The following ATR variants were observed in gnomAD, a reference collection of about 807,000 sequenced individuals.
ATR encodes ATR checkpoint kinase.
A neutral mutation model predicts 305.3 loss-of-function variants in ATR; 142 were observed. That is an observed-to-expected ratio of 0.47 (90% CI 0.41 to 0.53). The LOEUF (loss-of-function observed/expected upper bound fraction) is 0.53. Ranked by LOEUF, ATR falls within the 20% of genes least tolerant of loss-of-function variation. The pLI, the probability that ATR is intolerant of heterozygous loss-of-function variation, is 0.00. For synonymous variants in ATR, 1,050 were observed against 1,068.1 expected (o/e 0.98, Z 0.33); for missense variants, 2,135 against 3,133.1 (o/e 0.68, Z 7.60).
chr3:142,498,241 A>G (rs1020436177), intron 32 of ATR, among the ~76,000 whole-genome samples: 4 of 152,202 alleles, frequency 2.6e-5, no homozygotes, highest in Middle Eastern at 3.2e-3. Context: ...AATATCAAAC[A>G]CATTTCTAAA....
At chr3:142,555,651 T>C (rs1421165015) in intron 10 of ATR, among the ~76,000 whole-genome samples, 1 of 152,194 alleles carries the variant, frequency 6.6e-6, no homozygotes, top group Non-Finnish European at 1.5e-5. Flanking sequence ...ATTTAGGCTG[T>C]CAAATCACAA....
Position 142,479,274 on chromosome 3 carries a change from A to G in ATR, c.6221+5866T>C, listed in dbSNP as rs929058827. ...TGCTTCCTTCAGGAGCTCTTTTAGGACAGGCCTGGTGGTGACAAAATCTCT... is the reference window on the plus strand; with the variant it reads ...TGCTTCCTTCAGGAGCTCTTTTAGGGCAGGCCTGGTGGTGACAAAATCTCT... On this transcript the variant is annotated intron_variant, in intron 36 of 46. Transcript: ENST00000350721. Among the ~76,000 whole-genome samples, 230 of 152,018 alleles carry G rather than the reference A, an allele frequency of 1.5e-3. 2 individuals are homozygous for G. Among genetic ancestry groups the G allele is most frequent in the African/African-American group, 5.4e-3 (222 of 41,436 alleles).
At chr3:142,522,899 T>C in intron 22 of ATR, 58 bp from the exon 23 acceptor site, 2 of 1,287,828 alleles carry the variant, frequency 1.6e-6, no homozygotes, top group Non-Finnish European at 2.3e-6. Context: ...TTTTCTTAGG[T>C]GTACTGCTTT....
Position 142,487,435 on chromosome 3 carries a change from C to T in ATR, c.6079-2153G>A, listed in dbSNP as rs137915718. ...TATAGGCATGAGCCACCATGCCCAGCCCTACGTGTATTATATTTTTTATCT... is the reference window on the plus strand; with the variant it reads ...TATAGGCATGAGCCACCATGCCCAGTCCTACGTGTATTATATTTTTTATCT... On this transcript the variant is annotated intron_variant, in intron 35 of 46. Transcript: ENST00000350721. Among the ~76,000 whole-genome samples the T allele has an allele frequency of 4.1e-3, 625 of 152,290 alleles. 12 individuals carry two copies. Among genetic ancestry groups the T allele is most frequent in the African/African-American group, 0.015 (606 of 41,554 alleles).
chr3:142,484,873 T>C (rs2030808854), intron 36 of ATR, among the ~76,000 whole-genome samples: 1 of 152,184 alleles, frequency 6.6e-6, no homozygotes, highest in Non-Finnish European at 1.5e-5. Context: ...GTGTTGATGA[T>C]TGCTGTGTTG....
At chr3:142,492,223 C>G (rs1029991031) in intron 35 of ATR, among the ~76,000 whole-genome samples, 1 of 152,024 alleles carries the variant, frequency 6.6e-6, no homozygotes, top group Non-Finnish European at 1.5e-5. Flanking sequence ...AAGGTCTTTA[C>G]TGAATGCTCC....
intron 23 of ATR, 49 bp downstream of exon 23, chr3:142,522,679 T>C (rs2033197936): frequency 5.6e-6 from 8 of 1,427,786 alleles, no homozygotes; most frequent in Non-Finnish European, 7.9e-6. Flanking sequence ...ACAACGTTCT[T>C]ATTTGAATTA....
At chr3:142,486,194 A>C (rs959261037) in intron 35 of ATR, among the ~76,000 whole-genome samples, 51 of 152,156 alleles carry the variant, frequency 3.4e-4, no homozygotes, top group African/African-American at 1.2e-3. Flanking sequence ...TTGAAGTTCC[A>C]CTTTTCATCT....
intron 35 of ATR, among the ~76,000 whole-genome samples, chr3:142,485,790 G>A (rs766138993): frequency 4.6e-5 from 7 of 152,088 alleles, no homozygotes; most frequent in Admixed American, 6.5e-5. Context: ...ACAAGTTATT[G>A]CCCTTTCTCT....
chr3:142,508,709 GTTAGGAGA>G (rs1301794809), intron 27 of ATR, among the ~76,000 whole-genome samples: 2 of 152,068 alleles, frequency 1.3e-5, no homozygotes, highest in Non-Finnish European at 2.9e-5. Flanking sequence ...GGATCACAAG[GTTAGGAGA>G]TCGAGACCAT....
intron 25 of ATR, among the ~76,000 whole-genome samples, chr3:142,513,854 A>G (rs2032717272): frequency 6.6e-6 from 1 of 152,134 alleles, no homozygotes. Context: ...TAAAATTTTA[A>G]AGAGATTTTT....
chr3:142,558,918 G>T, intron 7 of ATR, 142 bp from the exon 8 acceptor site: 1 of 845,054 alleles, frequency 1.2e-6, no homozygotes, highest in Non-Finnish European at 1.8e-6. Flanking sequence ...ATAAACGATG[G>T]TCTGAGGTCT....
intron 21 of ATR, among the ~76,000 whole-genome samples, chr3:142,533,032 C>T (rs977235318): frequency 6.6e-6 from 1 of 152,036 alleles, no homozygotes; most frequent in Non-Finnish European, 1.5e-5. Flanking sequence ...GGTAGAGTGG[C>T]TCACACCTGT....
intron 24 of ATR, among the ~76,000 whole-genome samples, chr3:142,516,957 C>T (rs1247568764): frequency 6.8e-6 from 1 of 147,052 alleles, no homozygotes; most frequent in Admixed American, 6.8e-5. Context: ...TAACAAATGC[C>T]CTATACCCAA....
chr3:142,460,650 C>T (rs986289434), intron 42 of ATR, among the ~76,000 whole-genome samples: 1 of 152,094 alleles, frequency 6.6e-6, no homozygotes, highest in African/African-American at 2.4e-5. Flanking sequence ...ATTGTTTAAA[C>T]TCGCTTAGTT....
chr3:142,493,680 C>T (rs2031419786), intron 34 of ATR, among the ~76,000 whole-genome samples: 1 of 152,000 alleles, frequency 6.6e-6, no homozygotes, highest in African/African-American at 2.4e-5. Flanking sequence ...CTAGCCTGGG[C>T]AACATAGCAA....
At chr3:142,533,694 C>G (rs2033748603) in intron 21 of ATR, among the ~76,000 whole-genome samples, 1 of 152,114 alleles carries the variant, frequency 6.6e-6, no homozygotes, top group African/African-American at 2.4e-5. Flanking sequence ...ATAAATTTAT[C>G]CAGTTATAGA....
intron 6 of ATR, 98 bp from the exon 7 acceptor site, chr3:142,559,539 C>T (rs1010311220): frequency 5.5e-5 from 62 of 1,120,364 alleles, no homozygotes; most frequent in Middle Eastern, 2.8e-4. Flanking sequence ...ATTGTGAGTA[C>T]GAAATTTATC....
intron 6 of ATR, 91 bp from the exon 7 acceptor site, chr3:142,559,532 G>A: frequency 8.0e-7 from 1 of 1,252,932 alleles, no homozygotes; most frequent in Non-Finnish European, 1.1e-6. Flanking sequence ...AAAAGAAATT[G>A]TGAGTACGAA....
Sources: gnomAD v4.1 joint callset for allele counts (sites outside exome capture counted in the v4.1 genomes callset) on GRCh38, gnomAD v4.1.1 for gene constraint, MANE v1.5 for transcripts, NCBI Gene and HGNC (gene_info 2026-07-23, HGNC 2026-07-21) for gene names.